LRRC49: variants seen among roughly 807,000 people sequenced by gnomAD.
The protein encoded by LRRC49 is leucine rich repeat containing 49.
LRRC49 carries 50 observed loss-of-function variants against 83.3 expected under a neutral mutation model. The ratio of observed to expected loss-of-function variants is 0.60; its 90% CI spans 0.48 to 0.76. The LOEUF (loss-of-function observed/expected upper bound fraction) is 0.76, where lower values mean the gene tolerates loss of function less well. LRRC49 is among the 30% of genes least tolerant of loss of function. The probability of loss-of-function intolerance (pLI) is 0.00; values close to 1 mark genes in which losing one functional copy is unlikely to be tolerated. For missense variants in LRRC49, 704 were observed against 809.1 expected (o/e 0.87, Z 1.58); for synonymous variants, 286 against 283.3 (o/e 1.01, Z -0.10).
intron 2 of LRRC49, among the ~76,000 whole-genome samples, chr15:70,884,290 C>T (rs1327035424): frequency 3.3e-5 from 5 of 151,952 alleles, no homozygotes; most frequent in African/African-American, 7.2e-5. Flanking sequence ...CCCAGCACTT[C>T]GGGAGGCTGA....
intron 1 of LRRC49, 186 bp downstream of exon 1, chr15:70,893,128 C>A: frequency 1.5e-6 from 1 of 659,440 alleles, no homozygotes; most frequent in Non-Finnish European, 2.7e-6. Flanking sequence ...GATGGGTACT[C>A]AAAGTCTTGT....
In LRRC49 at chr15:70,964,062, A is replaced by G. The variant is rs983357174; in HGVS notation, c.921+130A>G. 4 of 786,468 alleles carry G rather than the reference A, an allele frequency of 5.1e-6. No homozygotes were observed. The African/African-American group carries it at 7.1e-5, about 14-fold the overall frequency. The allele number at this position is 786,468 out of a possible 1,614,324, so 48.7% of individuals were successfully genotyped here. ...ATGGGTTATCATGATTGTATACTTC[A>G]TAATTGCAATTATGTAGTTTTTACT... On this transcript the variant is annotated intron_variant, in intron 9 of 15. Coordinates refer to ENST00000260382, the MANE Select transcript of LRRC49 (RefSeq NM_017691.5).
At chr15:71,020,892 A>G (rs1019274563) in intron 14 of LRRC49, among the ~76,000 whole-genome samples, 1 of 152,350 alleles carries the variant, frequency 6.6e-6, no homozygotes, top group African/African-American at 2.4e-5. Flanking sequence ...CTAAAGAACA[A>G]GGAAAGTACT....
chr15:70,928,656 C>A (rs1338805775), intron 7 of LRRC49, among the ~76,000 whole-genome samples: 4 of 152,134 alleles, frequency 2.6e-5, no homozygotes, highest in African/African-American at 9.7e-5. Context: ...AGCTCCACCT[C>A]CCGGGTTCAA....
intron 9 of LRRC49, among the ~76,000 whole-genome samples, chr15:70,969,207 C>T (rs2036903109): frequency 6.6e-6 from 1 of 152,142 alleles, no homozygotes; most frequent in Admixed American, 6.5e-5. Flanking sequence ...ATATGGCTAG[C>T]CAGTTTTCCC....
chr15:70,890,648 G>A (rs1371297452), upstream of LRRC49, among the ~76,000 whole-genome samples: 2 of 152,160 alleles, frequency 1.3e-5, no homozygotes, highest in East Asian at 1.9e-4. Context: ...AGTACACGAA[G>A]AATGAGAGTA....
intron 7 of LRRC49, chr15:70,936,549 T>C (rs2035604701): frequency 4.3e-6 from 2 of 467,702 alleles, no homozygotes; most frequent in East Asian, 3.1e-5. Context: ...CTTTTTACCT[T>C]GCGAGTGGTG....
intron 8 of LRRC49, among the ~76,000 whole-genome samples, chr15:70,940,932 A>G (rs866988272): frequency 5.3e-5 from 8 of 152,126 alleles, no homozygotes; most frequent in Middle Eastern, 6.8e-3. Context: ...TCGCCTTCAG[A>G]CAAACATTTA....
At chr15:70,858,683 A>AGCCC (rs2141067512) in intron 1 of LRRC49, 1 of 609,504 alleles carries the variant, frequency 1.6e-6, no homozygotes, top group African/African-American at 1.8e-5. Flanking sequence ...CGCCTGGTTC[A>AGCCC]GCCCGCCTGC....
intron 13 of LRRC49, among the ~76,000 whole-genome samples, chr15:71,012,477 C>T (rs1407867486): frequency 6.6e-6 from 1 of 151,774 alleles, no homozygotes; most frequent in Non-Finnish European, 1.5e-5. Context: ...TCATTCTAAT[C>T]CAAGAAGCTA....
At chr15:71,044,468 A>C (rs1390884724) in intron 15 of LRRC49, among the ~76,000 whole-genome samples, 1 of 152,196 alleles carries the variant, frequency 6.6e-6, no homozygotes, top group Non-Finnish European at 1.5e-5. Flanking sequence ...TTAATCAGGA[A>C]TTTAAAACAT....
chr15:71,050,467 T>G lies in LRRC49; in HGVS notation c.*855T>G, dbSNP rs892404860. 6.6e-6 allele frequency: 1 copy of G among 152,240 alleles called. No individual in the cohort carries two copies. Among genetic ancestry groups the G allele is most frequent in the Non-Finnish European group, 1.5e-5 (1 of 68,042 alleles). The allele number at this position is 152,240 out of a possible 1,614,324, so 9.4% of individuals were successfully genotyped here. A position where few individuals can be genotyped will look rare whatever the true frequency, so the allele number is the denominator to read the frequency against. On this transcript the variant is annotated 3_prime_UTR_variant, in exon 16 of 16. Coordinates refer to ENST00000260382, the MANE Select transcript of LRRC49 (RefSeq NM_017691.5). ...GGGTTCTAATTTTTAAAATTTCATT[T>G]GAAGATCAAATTCATGCTGGTGAGA...
intron 14 of LRRC49, among the ~76,000 whole-genome samples, chr15:71,029,959 T>G (rs1490574741): frequency 6.6e-6 from 1 of 152,242 alleles, no homozygotes; most frequent in Non-Finnish European, 1.5e-5. Flanking sequence ...CCGATGGGTC[T>G]TAACCCTTTA....
Position 71,008,612 on chromosome 15 carries a change from C to A in LRRC49, c.1403C>A (p.Ser468Tyr), listed in dbSNP as rs747104470. 1.9e-6 allele frequency: 3 copies of A among 1,603,948 alleles called. No individual in the cohort carries two copies. In the Admixed American group the frequency reaches 5.0e-5, roughly 27 times the overall value. The change falls in exon 12 of 16, where the codon TCT (serine) becomes TAT (tyrosine). Residue 468 changes from serine to tyrosine, a missense_variant. Coordinates refer to ENST00000260382, the MANE Select transcript of LRRC49 (RefSeq NM_017691.5). ...LPKLKIKFPN[S>Y]LHLKFKETNL... ...AAACTGAAGATTAAGTTTCCTAATT[C>A]TCTGGTAAATATTTCCTTTTAGTAG... is the stretch of plus-strand genomic sequence containing the variant.
At chr15:71,039,720 C>T (rs2039639531) in intron 15 of LRRC49, among the ~76,000 whole-genome samples, 2 of 152,134 alleles carry the variant, frequency 1.3e-5, no homozygotes, top group Admixed American at 6.5e-5. Flanking sequence ...GCAGAATCCA[C>T]GGATATGGAG....
In LRRC49 at chr15:70,904,565, G is replaced by GT. The variant is rs1244971814; in HGVS notation, c.311dup (p.Cys105MetfsTer28). On this transcript the variant is annotated frameshift_variant, in exon 5 of 16. Coordinates refer to ENST00000260382, the MANE Select transcript of LRRC49 (RefSeq NM_017691.5). LOFTEE classifies it high-confidence loss of function. ...CATTTTTTCTAGACAAAAGCTGACC[G>GT]TATGTCCTATCATCAATGGGGAAGA... The GT allele has an allele frequency of 6.2e-7, 1 of 1,611,862 alleles. No homozygotes were observed. Among genetic ancestry groups the GT allele is most frequent in the Non-Finnish European group, 8.5e-7 (1 of 1,178,388 alleles).
intron 15 of LRRC49, among the ~76,000 whole-genome samples, chr15:71,040,549 G>A (rs2039666630): frequency 1.3e-5 from 2 of 152,164 alleles, no homozygotes; most frequent in Admixed American, 6.5e-5. Flanking sequence ...GCCGGGCGCG[G>A]TGGCTCACAC....
chr15:70,867,077 G>A (rs1254398095), intron 1 of LRRC49, among the ~76,000 whole-genome samples: 1 of 150,558 alleles, frequency 6.6e-6, no homozygotes, highest in African/African-American at 2.4e-5. Context: ...GTTGCCCAAG[G>A]CTATCAAGGT....
intron 8 of LRRC49, among the ~76,000 whole-genome samples, chr15:70,950,875 G>A (rs2036192033): frequency 6.6e-6 from 1 of 151,964 alleles, no homozygotes; most frequent in African/African-American, 2.4e-5. Context: ...TTTCTCCTAG[G>A]GTTTTTATTG....
Sources: allele counts gnomAD v4.1 joint callset (sites outside exome capture counted in the v4.1 genomes callset), GRCh38; gene constraint gnomAD v4.1.1; transcripts MANE v1.5; gene names NCBI Gene and HGNC (gene_info 2026-07-23, HGNC 2026-07-21).